The following SCAP variants were observed in gnomAD, a reference collection of about 807,000 sequenced individuals.
SCAP encodes SREBF chaperone, also known as sterol regulatory element-binding protein cleavage-activating protein.
Under a neutral mutation model 123.6 loss-of-function variants are expected in SCAP, and 65 were observed. The observed-to-expected ratio is 0.53, with a 90% confidence interval of 0.43 to 0.65. The LOEUF (loss-of-function observed/expected upper bound fraction) is 0.65, where lower values mean the gene tolerates loss of function less well. Ranked by LOEUF, SCAP falls within the 30% of genes least tolerant of loss-of-function variation. The pLI, the probability that SCAP is intolerant of heterozygous loss-of-function variation, is 0.00. For missense variants in SCAP, 1,398 were observed against 1,712.5 expected, an observed-to-expected ratio of 0.82 and a Z score of 3.24; for synonymous variants, 740 against 726.3, an observed-to-expected ratio of 1.02 and a Z score of -0.30.
chr3:47,444,706 C>G (rs1706958781), intron 1 of SCAP, among the ~76,000 whole-genome samples: 1 of 151,754 alleles, frequency 6.6e-6, no homozygotes, highest in Non-Finnish European at 1.5e-5. Context: ...AACTCCTGGG[C>G]TCAAATGATC....
chr3:47,420,833 C>A lies in SCAP; in HGVS notation c.1345-61G>T. The A allele has an allele frequency of 1.3e-6, 2 of 1,544,424 alleles. No homozygotes were observed. Among genetic ancestry groups the A allele is most frequent in the East Asian group, 2.3e-5 (1 of 43,096 alleles). ...CATCCAGAGGCTGCTCGCACAGGAC[C>A]GCTGTCCTGCCCGAGGTCTACACCC... On this transcript the variant is annotated intron_variant, in intron 11 of 22. Coordinates refer to ENST00000265565, the MANE Select transcript of SCAP (RefSeq NM_012235.4). The surrounding 1 kb of genome is among the most constrained non-coding windows in gnomAD (Gnocchi z 5.0).
At chr3:47,472,206 A>G (rs923075817) in intron 1 of SCAP, among the ~76,000 whole-genome samples, 12 of 150,558 alleles carry the variant, frequency 8.0e-5, no homozygotes, top group Non-Finnish European at 1.5e-4. Flanking sequence ...GGCCGAGGCG[A>G]GTGGATCATG....
chr3:47,432,959 G>A (rs1706427761), intron 3 of SCAP, among the ~76,000 whole-genome samples: 1 of 152,168 alleles, frequency 6.6e-6, no homozygotes, highest in African/African-American at 2.4e-5. Context: ...ATAGCCAACT[G>A]GGCTCCCTTT....
rs1312021327 is a variant in SCAP at position 47,439,767 on chromosome 3, C to G, written c.122+3105G>C. On this transcript the variant is annotated intron_variant, in intron 2 of 22. Coordinates refer to ENST00000265565, the MANE Select transcript of SCAP (RefSeq NM_012235.4). The surrounding 1 kb of genome is among the most constrained non-coding windows in gnomAD (Gnocchi z 4.0). ...CCAGAGGAAAGAACAGTCACTGCAC[C>G]CAGGGGCCAGGCAGGAAGAACAGCT... 6.6e-6 allele frequency among the ~76,000 whole-genome samples: 1 copy of G among 152,176 alleles called. No homozygotes were observed. Among genetic ancestry groups the G allele is most frequent in the Non-Finnish European group, 1.5e-5 (1 of 68,030 alleles).
intron 1 of SCAP, among the ~76,000 whole-genome samples, chr3:47,470,772 A>G (rs966693335): frequency 3.9e-5 from 6 of 152,112 alleles, no homozygotes; most frequent in Admixed American, 6.6e-5. Flanking sequence ...GAGGCAGGAG[A>G]GTCGCTTGAA....
intron 6 of SCAP, among the ~76,000 whole-genome samples, 170 bp from the exon 7 acceptor site, chr3:47,426,339 T>A (rs1706129366): frequency 6.6e-6 from 1 of 152,196 alleles, no homozygotes; most frequent in Non-Finnish European, 1.5e-5. Context: ...ACTGGGAAAA[T>A]CACAAAGGGG....
chr3:47,417,796 G>A lies in SCAP; in HGVS notation c.2478C>T (p.Ser826=), dbSNP rs1436227021. The stretch of plus-strand genomic sequence containing the variant: ...CCCAGCTCTCCTGAGCCTCAAGCCC[G>A]CTGCCCACGCCACTGTCCCGGCGCT... The part of the protein sequence containing the change: ...GRQRRDSGVG[S]GLEAQESWER... The change falls in exon 17 of 23, where the codon AGC becomes AGT. Residue 826 remains serine, a synonymous_variant. Coordinates refer to ENST00000265565, the MANE Select transcript of SCAP (RefSeq NM_012235.4). 7 of 1,551,122 alleles carry A rather than the reference G, an allele frequency of 4.5e-6. No homozygotes were observed. The highest frequency in any genetic ancestry group is 1.6e-5 in the African/African-American group (1 of 64,060).
chr3:47,434,671 C>G (rs1175967513), intron 3 of SCAP, among the ~76,000 whole-genome samples: 4 of 152,174 alleles, frequency 2.6e-5, no homozygotes, highest in African/African-American at 2.4e-5. Context: ...AACTCCATCT[C>G]TAATAAAAAT....
At position 47,417,776 on chromosome 3, in the gene SCAP, C is replaced by T. The variant is rs1485597993; in HGVS notation, c.2498G>A (p.Ser833Asn). Reference sequence around the variant, plus strand: ...CCCACCATCTGAAAGTCGTTCCCAGCTCTCCTGAGCCTCAAGCCCGCTGCC... The same window carrying T: ...CCCACCATCTGAAAGTCGTTCCCAGTTCTCCTGAGCCTCAAGCCCGCTGCC... ...GVGSGLEAQE[S>N]WERLSDGGKA... The change falls in exon 17 of 23, where the codon AGC (serine) becomes AAC (asparagine). Residue 833 changes from serine (S) to asparagine (N), a missense_variant. Around this residue, in one of 7 missense-constraint regions of SCAP, gnomAD observed 828 missense variants for 882.5 expected, o/e 0.94. Coordinates refer to ENST00000265565, the MANE Select transcript of SCAP (RefSeq NM_012235.4). 5.7e-6 allele frequency: 9 copies of T among 1,585,748 alleles called. No individual in the cohort carries two copies. The highest frequency in any genetic ancestry group is 1.1e-5 in the South Asian group (1 of 89,784).
At chr3:47,467,825 G>A (rs1338967370) in intron 1 of SCAP, among the ~76,000 whole-genome samples, 4 of 151,864 alleles carry the variant, frequency 2.6e-5, no homozygotes, top group South Asian at 2.1e-4. Context: ...TGCTGCACCC[G>A]TTAACTCGTC....
At chr3:47,465,713 G>C (rs527890134) in intron 1 of SCAP, among the ~76,000 whole-genome samples, 35 of 151,664 alleles carry the variant, frequency 2.3e-4, no homozygotes, top group Admixed American at 8.5e-4. Flanking sequence ...AGGCTGTAGT[G>C]AGCAGTGACT....
At position 47,418,810 on chromosome 3, in the gene SCAP, C is replaced by A; in HGVS notation, c.1974G>T (p.Thr658=). 6.5e-7 allele frequency: 1 copy of A among 1,539,542 alleles called. No homozygotes were observed. ...GAGCCTCCCTCGGGTTCAGGCGGAGCGTGACTGGGATGACGGGCAGCAGGC... is the reference window on the plus strand; with the variant it reads ...GAGCCTCCCTCGGGTTCAGGCGGAGAGTGACTGGGATGACGGGCAGCAGGC... The part of the protein sequence containing the change: ...YISLLPVIPV[T]LRLNPREALE... Residue 658 remains threonine (T), a synonymous_variant, in exon 14 of 23, where the codon ACG becomes ACT. Coordinates refer to ENST00000265565, the MANE Select transcript of SCAP (RefSeq NM_012235.4).
intron 2 of SCAP, among the ~76,000 whole-genome samples, chr3:47,441,558 T>A (rs1162179020): frequency 6.6e-6 from 1 of 152,122 alleles, no homozygotes; most frequent in Non-Finnish European, 1.5e-5. Context: ...CACTCCAAAT[T>A]CATCACTTAT....
intron 3 of SCAP, among the ~76,000 whole-genome samples, chr3:47,430,236 C>T (rs1706301392): frequency 6.6e-6 from 1 of 152,158 alleles, no homozygotes; most frequent in Admixed American, 6.5e-5. Flanking sequence ...ACACTCCAGG[C>T]AGGGTGGTGT....
intron 1 of SCAP, among the ~76,000 whole-genome samples, chr3:47,468,062 T>G (rs1707898969): frequency 6.6e-6 from 1 of 152,190 alleles, no homozygotes; most frequent in Non-Finnish European, 1.5e-5. Context: ...CCTTTTTTTA[T>G]GGCTGCATAG....
intron 3 of SCAP, among the ~76,000 whole-genome samples, chr3:47,432,261 G>A (rs1484718210): frequency 7.2e-6 from 1 of 139,844 alleles, no homozygotes; most frequent in Non-Finnish European, 1.5e-5. Context: ...AGGTTCCAGT[G>A]AGCTGAGATC....
rs45453398 is a variant in SCAP, at chr3:47,413,771, G to A, written c.*83C>T. 33,910 of 1,515,478 alleles carry A rather than the reference G, an allele frequency of 0.022. 417 individuals are homozygous for A. The highest frequency in any genetic ancestry group is 0.026 in the Non-Finnish European group (29,111 of 1,123,960). 93.9% of individuals were successfully genotyped at this position (1,515,478 alleles called of 1,614,324 possible). ...AGGAGGCAGCGGCTGGAAGATACTCGGCTCTTTCCCCCAAGTCCAGGTTCA... is the reference window on the plus strand; with the variant it reads ...AGGAGGCAGCGGCTGGAAGATACTCAGCTCTTTCCCCCAAGTCCAGGTTCA... On this transcript the variant is annotated 3_prime_UTR_variant, in exon 23 of 23. Transcript: ENST00000265565.
chr3:47,415,445 T>C (rs1559535743), intron 18 of SCAP, among the ~76,000 whole-genome samples: 2 of 152,078 alleles, frequency 1.3e-5, no homozygotes, highest in Admixed American at 1.3e-4. Flanking sequence ...TGAGCTAACG[T>C]GTAAGGTGGT....
At position 47,414,032 on chromosome 3, in the gene SCAP, C is replaced by A; in HGVS notation, c.3662G>T (p.Cys1221Phe). ...GTAGTTTAGGTCCCAAAAGGAGACA[C>A]AGCCCTGGCCGCCAGTCACCAGCAG... ...DNLLVTGGQG[C>F]VSFWDLNYGD... Residue 1221 changes from cysteine to phenylalanine, a missense_variant, in exon 23 of 23, where the codon TGT becomes TTT. Cys to Phe is a radical substitution (Grantham distance 205). This residue lies in a region of SCAP where 130 missense variants were observed against 166.7 expected (regional missense o/e 0.78). Transcript: ENST00000265565. The A allele has an allele frequency of 6.2e-7, 1 of 1,613,306 alleles. No homozygotes were observed. Among genetic ancestry groups the A allele is most frequent in the Non-Finnish European group, 8.5e-7 (1 of 1,180,032 alleles).
Sources: gnomAD v4.1 joint callset for allele counts (sites outside exome capture counted in the v4.1 genomes callset) on GRCh38, gnomAD v4.1.1 for gene constraint, gnomAD v4.1.1 regional missense constraint, Gnocchi (gnomAD v3.1) non-coding constraint, MANE v1.5 for transcripts, NCBI Gene and HGNC (gene_info 2026-07-23, HGNC 2026-07-21) for gene names.